TAMM41: variants seen among roughly 807,000 people sequenced by gnomAD.
TAMM41 encodes the protein TAM41 mitochondrial translocator assembly and maintenance homolog, also known as phosphatidate cytidylyltransferase, mitochondrial.
Under a neutral mutation model 44.1 loss-of-function variants are expected in TAMM41, and 36 were observed. That is an observed-to-expected ratio of 0.82 (90% CI 0.63 to 1.08). The LOEUF (loss-of-function observed/expected upper bound fraction) is 1.08. Among genes scored for constraint, TAMM41 ranks in the 50% least tolerant of loss-of-function variants. The probability of loss-of-function intolerance (pLI) is 0.00; values close to 1 mark genes in which losing one functional copy is unlikely to be tolerated. For synonymous variants in TAMM41, 164 were observed against 153.1 expected (o/e 1.07, Z -0.53); for missense variants, 417 against 404.3 (o/e 1.03, Z -0.27).
At chr3:11,751,840 G>A in the TAMM41 span, among the ~76,000 whole-genome samples, 6 of 152,076 alleles carry the variant, frequency 3.9e-5, no homozygotes, top group Non-Finnish European at 5.9e-5. Context: ...TGCACTTATC[G>A]ATAGCCAGGG....
the TAMM41 span, among the ~76,000 whole-genome samples, chr3:11,752,625 C>CTTGTTTTTTTTTTT: frequency 2.5e-5 from 1 of 39,938 alleles, no homozygotes. Context: ...TCTTACAAAG[C>CTTGTTTTTTTTTTT]TTTTTTTTTT....
chr3:11,772,380 C>A, the TAMM41 span, among the ~76,000 whole-genome samples: 7 of 152,024 alleles, frequency 4.6e-5, no homozygotes, highest in African/African-American at 1.7e-4. Flanking sequence ...CGTGCCCAGC[C>A]CAGTGTCTGT....
At chr3:11,845,000 C>G in intron 1 of TAMM41, 1 of 456,062 alleles carries the variant, frequency 2.2e-6, no homozygotes, top group Non-Finnish European at 4.4e-6. Context: ...GCTGGAAGCA[C>G]TGGGGGAAGC....
At chr3:11,747,466 A>C in the TAMM41 span, among the ~76,000 whole-genome samples, 2 of 152,162 alleles carry the variant, frequency 1.3e-5, no homozygotes, top group Non-Finnish European at 2.9e-5. Flanking sequence ...CACTTAAAAT[A>C]TATCTAAATT....
chr3:11,736,804 C>G, the TAMM41 span, among the ~76,000 whole-genome samples: 1 of 152,186 alleles, frequency 6.6e-6, no homozygotes, highest in Non-Finnish European at 1.5e-5. Context: ...AAGTGTCTGG[C>G]CACTCTTCCT....
chr3:11,778,571 C>T, the TAMM41 span, among the ~76,000 whole-genome samples: 1 of 152,184 alleles, frequency 6.6e-6, no homozygotes, highest in Non-Finnish European at 1.5e-5. Flanking sequence ...ATGAGGGCTC[C>T]ACTGTCTTCA....
chr3:11,824,487 T>C (rs2078662087), intron 4 of TAMM41, among the ~76,000 whole-genome samples: 1 of 149,542 alleles, frequency 6.7e-6, no homozygotes, highest in Non-Finnish European at 1.5e-5. Flanking sequence ...AGAGATGGGG[T>C]TTCATCATGT....
chr3:11,742,816 G>A, the TAMM41 span, among the ~76,000 whole-genome samples: 5 of 151,368 alleles, frequency 3.3e-5, no homozygotes, highest in African/African-American at 7.3e-5. Context: ...GGCTGGTCTC[G>A]AACTCCAGGA....
the TAMM41 span, among the ~76,000 whole-genome samples, chr3:11,746,761 AG>A: frequency 6.6e-6 from 1 of 152,036 alleles, no homozygotes; most frequent in Non-Finnish European, 1.5e-5. Flanking sequence ...CAGCCTCCCG[AG>A]TAGCCGGGAC....
chr3:11,759,216 G>A, the TAMM41 span, among the ~76,000 whole-genome samples: 40 of 151,980 alleles, frequency 2.6e-4, no homozygotes, highest in African/African-American at 9.4e-4. Context: ...GCATTTGCTC[G>A]GCACTACTCA....
intron 7 of TAMM41, among the ~76,000 whole-genome samples, chr3:11,791,715 T>C (rs1452800598): frequency 1.3e-5 from 2 of 152,132 alleles, no homozygotes; most frequent in African/African-American, 4.8e-5. Context: ...CTTAGTCCAC[T>C]TAGAGCCTTG....
At chr3:11,758,420 T>C in the TAMM41 span, among the ~76,000 whole-genome samples, 2 of 152,116 alleles carry the variant, frequency 1.3e-5, no homozygotes, top group Admixed American at 6.6e-5. Context: ...GGCATGATCT[T>C]GGCTCACTGC....
rs2079569845 is a variant in TAMM41, at chr3:11,844,131, G to T, written c.216C>A (p.His72Gln). The T allele has an allele frequency of 6.2e-7, 1 of 1,614,096 alleles. No homozygotes were observed. The highest frequency in any genetic ancestry group is 1.3e-5 in the African/African-American group (1 of 74,930). Residue 72 changes from histidine (H) to glutamine (Q), a missense_variant, in exon 2 of 8, where the codon CAC (histidine) becomes CAA (glutamine). Transcript: ENST00000455809. ...HSKNLKKNWS[H>Q]YSFLKVLGPK... is the part of the protein sequence containing the mutation. ...GCCCTAAAACTTTTAGGAAAGAGTA[G>T]TGACTCCAATTTTTCTTCAGGTTCT...
downstream of TAMM41, among the ~76,000 whole-genome samples, chr3:11,788,202 C>T (rs2077428010): frequency 6.6e-6 from 1 of 152,172 alleles, no homozygotes; most frequent in Non-Finnish European, 1.5e-5. Flanking sequence ...AAAGTATCTA[C>T]TTTGGGAATA....
At position 11,833,404 on chromosome 3, in the gene TAMM41, A is replaced by G. The variant is rs303848; in HGVS notation, c.412-3540T>C. Among the ~76,000 whole-genome samples the G allele has an allele frequency of 9.3e-3, 1,415 of 152,334 alleles. 11 individuals are homozygous for G. Among genetic ancestry groups the G allele is most frequent in the Non-Finnish European group, 0.014 (983 of 68,024 alleles). ...CAAGGAGAGACTACTTGAATTGCAG[A>G]GTGAAATTTTAATCACAAAGACCAC... is the stretch of plus-strand genomic sequence containing the variant. On this transcript the variant is annotated intron_variant, in intron 3 of 7. Coordinates refer to ENST00000455809, the MANE Select transcript of TAMM41 (RefSeq NM_001284401.2).
chr3:11,844,945 G>A (rs1439164910), intron 1 of TAMM41: 1 of 456,626 alleles, frequency 2.2e-6, no homozygotes, highest in Non-Finnish European at 4.4e-6. Flanking sequence ...TTCTCCTAGA[G>A]ATGACAAATC....
intron 5 of TAMM41, among the ~76,000 whole-genome samples, chr3:11,813,087 G>A (rs2078141571): frequency 6.6e-6 from 1 of 152,160 alleles, no homozygotes; most frequent in African/African-American, 2.4e-5. Context: ...TATTTTTATA[G>A]TTAGAGAAAA....
downstream of TAMM41, among the ~76,000 whole-genome samples, chr3:11,786,288 T>A (rs369674534): frequency 5.7e-4 from 46 of 81,104 alleles, no homozygotes; most frequent in South Asian, 3.3e-3. Flanking sequence ...TATTTAATTT[T>A]ATTATTATTA....
chr3:11,764,485 T>C, the TAMM41 span, among the ~76,000 whole-genome samples: 8 of 129,578 alleles, frequency 6.2e-5, no homozygotes, highest in East Asian at 1.8e-3. Context: ...ATAATCTTAT[T>C]CTTTTTTTTT....
Sources: allele counts gnomAD v4.1 joint callset (sites outside exome capture counted in the v4.1 genomes callset), GRCh38; gene constraint gnomAD v4.1.1; transcripts MANE v1.5; gene names NCBI Gene and HGNC (gene_info 2026-07-23, HGNC 2026-07-21).